PDZD2: variants seen among roughly 807,000 people sequenced by gnomAD.
PDZD2 encodes PDZ domain-containing protein 2.
Under a neutral mutation model 220.7 loss-of-function variants are expected in PDZD2, and 90 were observed. The observed-to-expected ratio is 0.41, with a 90% CI of 0.34 to 0.49. The LOEUF (loss-of-function observed/expected upper bound fraction) is 0.49. Ranked by LOEUF, PDZD2 falls within the 20% of genes least tolerant of loss-of-function variation. The pLI is 0.28. For synonymous variants in PDZD2, 1,375 were observed against 1,450.5 expected (o/e 0.95, Z 1.18); for missense variants, 3,174 against 3,608.5 (o/e 0.88, Z 3.08).
At chr5:31,953,187 C>T (rs1326035065) in intron 2 of PDZD2, among the ~76,000 whole-genome samples, 2 of 151,410 alleles carry the variant, frequency 1.3e-5, no homozygotes, top group African/African-American at 4.9e-5. Flanking sequence ...ATCAGTGGAA[C>T]AGAATAGGGA....
intron 18 of PDZD2, among the ~76,000 whole-genome samples, chr5:32,075,804 A>G (rs1244667062): frequency 6.6e-6 from 1 of 152,220 alleles, no homozygotes; most frequent in East Asian, 1.9e-4. Context: ...ATATAAACAT[A>G]TATGTCAATA....
chr5:31,803,758 G>C (rs1328038473), intron 2 of PDZD2, among the ~76,000 whole-genome samples: 1 of 152,018 alleles, frequency 6.6e-6, no homozygotes, highest in Non-Finnish European at 1.5e-5. Flanking sequence ...CAGAAAATAG[G>C]GGCAAGGTAG....
chr5:31,887,221 G>T (rs1212384008), intron 2 of PDZD2, among the ~76,000 whole-genome samples: 1 of 152,164 alleles, frequency 6.6e-6, no homozygotes, highest in Non-Finnish European at 1.5e-5. Flanking sequence ...GGCTCTAGGG[G>T]AAAAGCAGAT....
intron 2 of PDZD2, chr5:31,908,223 AT>A (rs1191738055): frequency 5.9e-6 from 1 of 169,710 alleles, no homozygotes; most frequent in African/African-American, 2.4e-5. Flanking sequence ...ATTTTCTTTT[AT>A]TTTTGGTTTG....
intron 2 of PDZD2, among the ~76,000 whole-genome samples, chr5:31,935,710 G>A (rs1745662234): frequency 6.6e-6 from 1 of 152,196 alleles, no homozygotes; most frequent in African/African-American, 2.4e-5. Context: ...AGGTCACTGA[G>A]TGGAAAGTTT....
At chr5:31,692,178 G>C (rs184264769) in intron 1 of PDZD2, among the ~76,000 whole-genome samples, 2 of 152,244 alleles carry the variant, frequency 1.3e-5, no homozygotes, top group Admixed American at 6.5e-5. Flanking sequence ...GCTAAGGCCC[G>C]GCGAGAAATT....
At chr5:31,865,695 G>A (rs1200395954) in intron 2 of PDZD2, among the ~76,000 whole-genome samples, 19 of 131,290 alleles carry the variant, frequency 1.4e-4, no homozygotes, top group African/African-American at 4.7e-4. Flanking sequence ...GTTCAGTGGC[G>A]CAATCTCGTC....
chr5:31,904,210 T>C lies in PDZD2; in HGVS notation c.477-78945T>C, dbSNP rs368973291. ...ATAAGCTCAATTAATAAGAACTTAC[T>C]ACATCTACAAATTACAAGTTGCTGA... On this transcript the variant is annotated intron_variant, in intron 2 of 24. Coordinates refer to ENST00000438447, the MANE Select transcript of PDZD2 (RefSeq NM_178140.4). Among the ~76,000 whole-genome samples, 14 of 152,332 alleles carry C rather than the reference T, an allele frequency of 9.2e-5. No individual in the cohort carries two copies. In the East Asian group the frequency reaches 2.7e-3, roughly 29 times the overall value.
chr5:31,994,825 G>A (rs1751506819), intron 3 of PDZD2, among the ~76,000 whole-genome samples: 1 of 152,136 alleles, frequency 6.6e-6, no homozygotes. Flanking sequence ...GCTTATATGT[G>A]TATATATAAG....
At chr5:31,743,011 TTC>T (rs1017274212) in intron 1 of PDZD2, among the ~76,000 whole-genome samples, 18 of 152,340 alleles carry the variant, frequency 1.2e-4, no homozygotes, top group African/African-American at 4.3e-4. Flanking sequence ...CAAATATTCT[TTC>T]TGATTAGCCA....
chr5:31,882,006 A>G (rs536900463), intron 2 of PDZD2, among the ~76,000 whole-genome samples: 14 of 152,320 alleles, frequency 9.2e-5, no homozygotes, highest in Admixed American at 8.5e-4. Flanking sequence ...GGTGAGAGCC[A>G]CTGTGCCCAG....
chr5:31,678,476 G>A (rs78736710), intron 1 of PDZD2, among the ~76,000 whole-genome samples: 6,802 of 151,630 alleles, frequency 0.045, 207 homozygotes, highest in Non-Finnish European at 0.062. Context: ...GGAGCCTGGG[G>A]ACAGTCAGTT....
chr5:31,976,984 G>A (rs2111827574), intron 2 of PDZD2, among the ~76,000 whole-genome samples: 1 of 150,466 alleles, frequency 6.6e-6, no homozygotes, highest in East Asian at 2.0e-4. Flanking sequence ...CTGAAGTGCT[G>A]GAATTACATG....
intron 1 of PDZD2, among the ~76,000 whole-genome samples, chr5:31,768,640 CA>C (rs35950291): frequency 0.26 from 32,314 of 125,816 alleles, 3,494 homozygotes; most frequent in Middle Eastern, 0.32. Flanking sequence ...GACTCTGTCT[CA>C]AAAAAAAAAA....
chr5:32,033,341 C>T (rs184409703), intron 6 of PDZD2, among the ~76,000 whole-genome samples: 174 of 152,306 alleles, frequency 1.1e-3, no homozygotes, highest in African/African-American at 4.1e-3. Context: ...CTGACATAAT[C>T]TGGAATGAAT....
intron 2 of PDZD2, among the ~76,000 whole-genome samples, chr5:31,910,050 T>G (rs1300897224): frequency 6.6e-6 from 1 of 152,122 alleles, no homozygotes; most frequent in Non-Finnish European, 1.5e-5. Flanking sequence ...TTACATGTAT[T>G]AACTCGTTTA....
chr5:31,824,402 C>G (rs1756087239), intron 2 of PDZD2, among the ~76,000 whole-genome samples: 1 of 152,188 alleles, frequency 6.6e-6, no homozygotes, highest in Non-Finnish European at 1.5e-5. Flanking sequence ...GTCATTTACT[C>G]ATTGTTTTGC....
chr5:31,823,022 T>G (rs1352030596), intron 2 of PDZD2: 8 of 1,184,086 alleles, frequency 6.8e-6, no homozygotes, highest in Non-Finnish European at 9.6e-6. Context: ...TTGATGTGAT[T>G]GAAGTCCCTC....
chr5:31,765,529 T>A (rs537043648), intron 1 of PDZD2, among the ~76,000 whole-genome samples: 1 of 152,368 alleles, frequency 6.6e-6, no homozygotes, highest in South Asian at 2.1e-4. Flanking sequence ...TCTGGCTCTA[T>A]TATCTGAAAA....
Sources: allele counts gnomAD v4.1 joint callset (sites outside exome capture counted in the v4.1 genomes callset), GRCh38; gene constraint gnomAD v4.1.1; transcripts MANE v1.5; gene names NCBI Gene and HGNC (gene_info 2026-07-23, HGNC 2026-07-21).